Variants in ELF4 observed in about 807,000 individuals in gnomAD.
ELF4 encodes the protein ETS-related transcription factor Elf-4.
ELF4 carries 10 observed loss-of-function variants against 31.7 expected under a neutral mutation model. The observed-to-expected ratio is 0.32, with a 90% confidence interval of 0.19 to 0.54. The LOEUF is 0.54. Among genes scored for constraint, ELF4 ranks in the 20% least tolerant of loss-of-function variants. The pLI, the probability that ELF4 is intolerant of heterozygous loss-of-function variation, is 0.95. For synonymous variants in ELF4, 208 were observed against 226.7 expected (o/e 0.92, Z 0.74); for missense variants, 418 against 522.0 (o/e 0.80, Z 1.94).
At chrX:130,080,403 G>A (rs191524040) in intron 2 of ELF4, among the ~76,000 whole-genome samples, 13 of 95,395 alleles carry the variant, frequency 1.4e-4, no homozygotes, top group South Asian at 5.3e-4. Context: ...CAGCCTGGGC[G>A]ACAGAGTGAG....
intron 1 of ELF4, among the ~76,000 whole-genome samples, chrX:130,107,553 C>T (rs1408916365): frequency 8.9e-6 from 1 of 111,850 alleles, no homozygotes; most frequent in East Asian, 2.8e-4. Context: ...CTGACTCCAG[C>T]CCACACGAAA....
At position 130,069,425 on chromosome X, in the gene ELF4, C is replaced by T. The variant is rs1014662995; in HGVS notation, c.1062G>A (p.Gln354=). ...GSSSWEKPKI[Q]HVGLQPSASL... Reference sequence around the variant, plus strand: ...TCGCAGATGGCTGGAGACCGACATGCTGAATTTTTGGCTTCTCCCAAGAAG... The same window carrying T: ...TCGCAGATGGCTGGAGACCGACATGTTGAATTTTTGGCTTCTCCCAAGAAG... The change falls in exon 8 of 9, where the codon CAG becomes CAA. Residue 354 remains glutamine, a synonymous_variant. Transcript: ENST00000308167. 1 of 1,212,058 alleles carries T rather than the reference C, an allele frequency of 8.3e-7. No individual in the cohort carries two copies. The highest frequency in any genetic ancestry group is 1.1e-6 in the Non-Finnish European group (1 of 895,597).
chrX:130,073,755 A>T (rs562983168), intron 4 of ELF4, among the ~76,000 whole-genome samples: 2 of 111,613 alleles, frequency 1.8e-5, no homozygotes, highest in East Asian at 5.7e-4. Flanking sequence ...CAGGTGACCC[A>T]CCCGCCTCAG....
At chrX:130,107,002 GCAATGGCT>G (rs1371692430) in intron 1 of ELF4, among the ~76,000 whole-genome samples, 2 of 112,570 alleles carry the variant, frequency 1.8e-5, no homozygotes, top group Non-Finnish European at 3.8e-5. Context: ...CCAGCCAGGA[GCAATGGCT>G]CACGCCTGTA....
chrX:130,076,250 T>C, intron 2 of ELF4, among the ~76,000 whole-genome samples: 1 of 111,033 alleles, frequency 9.0e-6, no homozygotes, highest in East Asian at 2.8e-4. Flanking sequence ...AGAGGCTGCA[T>C]GTGGTGGCTC....
rs1266806239 is a variant in ELF4 at position 130,102,939 on chromosome X, G to A, written c.-210+7386C>T. 6.7e-3 allele frequency among the ~76,000 whole-genome samples: 589 copies of A among 88,463 alleles called. 18 individuals carry two copies. The highest frequency in any genetic ancestry group is 0.027 in the African/African-American group (522 of 19,004). 76.8% of individuals were successfully genotyped at this position (88,463 alleles called of 115,157 possible). A position where few individuals can be genotyped will look rare whatever the true frequency, so the allele number is the denominator to read the frequency against. On this transcript the variant is annotated intron_variant, in intron 1 of 8. Transcript: ENST00000308167. ...GAAAGAAAGAGAGAGAAGGAGGGAGGGAGGAAGGAAGGAAGGGAGGGAGGA... is the reference window on the plus strand; with the variant it reads ...GAAAGAAAGAGAGAGAAGGAGGGAGAGAGGAAGGAAGGAAGGGAGGGAGGA...
At chrX:130,074,183 C>T in intron 3 of ELF4, 42 bp from the exon 4 acceptor site, 1 of 1,172,981 alleles carries the variant, frequency 8.5e-7, no homozygotes, top group Non-Finnish European at 1.2e-6. Flanking sequence ...GAAAAGTTCC[C>T]TCAGGGCACA....
intron 7 of ELF4, among the ~76,000 whole-genome samples, chrX:130,070,721 G>A (rs1207124762): frequency 2.1e-5 from 2 of 95,699 alleles, no homozygotes; most frequent in African/African-American, 3.9e-5. Flanking sequence ...GCAGTGAGCC[G>A]AGATTGCGCC....
chrX:130,074,618 C>T lies in ELF4; in HGVS notation c.210G>A (p.Thr70=), dbSNP rs1310608620. 5 of 1,211,837 alleles carry T rather than the reference C, an allele frequency of 4.1e-6. No individual in the cohort carries two copies. The highest frequency in any genetic ancestry group is 3.3e-6 in the Non-Finnish European group (3 of 895,593). The change falls in exon 3 of 9, where the codon ACG becomes ACA. Residue 70 remains threonine, a synonymous_variant. Coordinates refer to ENST00000308167, the MANE Select transcript of ELF4 (RefSeq NM_001421.4). ...GIITDGTLCM[T]QDQILEGSFL... ...AACTGCCTTCCAGGATCTGATCCTGCGTCATGCACAAGGTCCCGTCTGTTA... is the reference window on the plus strand; with the variant it reads ...AACTGCCTTCCAGGATCTGATCCTGTGTCATGCACAAGGTCCCGTCTGTTA...
At chrX:130,080,060 GA>G (rs1932872834) in intron 2 of ELF4, among the ~76,000 whole-genome samples, 2 of 112,086 alleles carry the variant, frequency 1.8e-5, no homozygotes, top group South Asian at 7.4e-4. Flanking sequence ...ATCTGAGTTA[GA>G]CTGGAATGCC....
rs1933464618 is a variant in ELF4 at position 130,110,491 on chromosome X, G to A, written c.-376C>T. The A allele has an allele frequency of 1.8e-5, 2 of 109,090 alleles. No individual in the cohort carries two copies. The highest frequency in any genetic ancestry group is 7.6e-4 in the South Asian group (2 of 2,629). The allele number at this position is 109,090 out of a possible 1,213,427, so 9.0% of individuals were successfully genotyped here. A position where few individuals can be genotyped will look rare whatever the true frequency, so the allele number is the denominator to read the frequency against. ...GCCAGGAACTCGGCGCCGGCGAAAG[G>A]AGAAGTGGAAGTTGAGCGCGGCGCC... On this transcript the variant is annotated 5_prime_UTR_variant, in exon 1 of 9. Transcript: ENST00000308167.
intron 1 of ELF4, among the ~76,000 whole-genome samples, chrX:130,105,468 G>A (rs912751212): frequency 9.0e-6 from 1 of 111,349 alleles, no homozygotes; most frequent in African/African-American, 3.3e-5. Flanking sequence ...GGCAGTGAGA[G>A]AGGGAAAATG....
intron 1 of ELF4, among the ~76,000 whole-genome samples, chrX:130,082,315 C>T (rs1569405248): frequency 9.0e-6 from 1 of 111,484 alleles, no homozygotes. Context: ...ACCCTGTTTT[C>T]GTCAGCACCC....
chrX:130,079,803 C>A (rs992180420), intron 2 of ELF4, among the ~76,000 whole-genome samples: 8 of 111,764 alleles, frequency 7.2e-5, no homozygotes, highest in Non-Finnish European at 1.3e-4. Context: ...GCTGAGTGGA[C>A]TAGAAACAAA....
At chrX:130,076,904 A>G (rs1163531170) in intron 2 of ELF4, among the ~76,000 whole-genome samples, 2 of 111,334 alleles carry the variant, frequency 1.8e-5, no homozygotes, top group East Asian at 2.8e-4. Context: ...AAAGAATGAG[A>G]ATGATCCTCT....
intron 1 of ELF4, among the ~76,000 whole-genome samples, chrX:130,092,968 C>T (rs187616135): frequency 2.8e-5 from 3 of 108,867 alleles, no homozygotes; most frequent in Non-Finnish European, 3.8e-5. Context: ...AAAAGGTGGC[C>T]CTCCCTGTAC....
chrX:130,081,826 A>G (rs1932891757), intron 1 of ELF4, among the ~76,000 whole-genome samples: 1 of 111,864 alleles, frequency 8.9e-6, no homozygotes, highest in Non-Finnish European at 1.9e-5. Flanking sequence ...TCCCAAAGAT[A>G]TGCAGCCTCC....
At position 130,074,100 on chromosome X, in the gene ELF4, C is replaced by T. The variant is rs761827988; in HGVS notation, c.289G>A (p.Val97Ile). 8.3e-7 allele frequency: 1 copy of T among 1,211,775 alleles called. No individual in the cohort carries two copies. The highest frequency in any genetic ancestry group is 1.8e-5 in the South Asian group (1 of 56,978). ...ATSHTMSTAE[V>I]LLNMESPSDI... ...CTGGGAGACTCCATATTGAGTAAGA[C>T]TTCCGCGGTTGACATGGTGTGCGAG... The change falls in exon 4 of 9, where the codon GTC (valine) becomes ATC (isoleucine). Residue 97 changes from valine (V) to isoleucine (I), a missense_variant. Coordinates refer to ENST00000308167, the MANE Select transcript of ELF4 (RefSeq NM_001421.4).
intron 1 of ELF4, among the ~76,000 whole-genome samples, chrX:130,109,594 G>A (rs1933437293): frequency 9.0e-6 from 1 of 111,563 alleles, no homozygotes; most frequent in South Asian, 3.7e-4. Context: ...TGATGTGCAG[G>A]CATACGGTGG....
Sources: gnomAD v4.1 joint callset for allele counts (sites outside exome capture counted in the v4.1 genomes callset) on GRCh38, gnomAD v4.1.1 for gene constraint, MANE v1.5 for transcripts, NCBI Gene and HGNC (gene_info 2026-07-23, HGNC 2026-07-21) for gene names.